Variants in ELN observed in about 807,000 individuals in gnomAD.
ELN encodes elastin.
Under a neutral mutation model 105.8 loss-of-function variants are expected in ELN, and 65 were observed. That is an observed-to-expected ratio of 0.61 (90% CI 0.50 to 0.75). The LOEUF (loss-of-function observed/expected upper bound fraction) is 0.75, where lower values mean the gene tolerates loss of function less well. ELN is among the 30% of genes least tolerant of loss of function. The pLI, the probability that ELN is intolerant of heterozygous loss-of-function variation, is 0.00. For missense variants in ELN, 882 were observed against 969.4 expected (o/e 0.91, Z 1.20); for synonymous variants, 368 against 389.2 (o/e 0.95, Z 0.64).
chr7:74,039,395 G>A (rs964698308), intron 4 of ELN, among the ~76,000 whole-genome samples: 10 of 152,174 alleles, frequency 6.6e-5, no homozygotes, highest in Non-Finnish European at 1.2e-4. Context: ...CAGAAGGGTC[G>A]GCAGAGCCCC....
rs782126415 is a variant in ELN, at chr7:74,054,771, T to C, written c.1150+2T>C. ...CAGCTGCAAAGGCAGCCAAATACGG[T>C]GAGTGCTATGCTGACAGCTCTGCCC... On this transcript the variant is annotated splice_donor_variant, in intron 19 of 32. Transcript: ENST00000252034. LOFTEE classifies it high-confidence loss of function. 1.9e-6 allele frequency: 3 copies of C among 1,613,868 alleles called. No individual in the cohort carries two copies. Among genetic ancestry groups the C allele is most frequent in the Non-Finnish European group, 2.5e-6 (3 of 1,180,014 alleles).
chr7:74,028,868 G>A (rs1788033130), intron 1 of ELN, among the ~76,000 whole-genome samples: 1 of 152,124 alleles, frequency 6.6e-6, no homozygotes, highest in African/African-American at 2.4e-5. Flanking sequence ...GCATTTGTGT[G>A]TGTGTGTGTG....
chr7:74,028,390 AG>A, intron 1 of ELN, 121 bp downstream of exon 1: 3 of 1,176,694 alleles, frequency 2.5e-6, no homozygotes, highest in Non-Finnish European at 3.6e-6. Context: ...CCCAGGTGGG[AG>A]CCCCTCAGCC....
intron 17 of ELN, chr7:74,052,443 G>GTATTTTAAAAA (rs1554676704): frequency 1.8e-5 from 4 of 220,802 alleles, no homozygotes; most frequent in African/African-American, 9.1e-5. Flanking sequence ...AAATTATCTA[G>GTATTTTAAAAA]GCATGGTGGC....
intron 15 of ELN, 21 bp downstream of exon 15, chr7:74,048,577 C>T (rs1793120079): frequency 1.2e-6 from 2 of 1,613,356 alleles, no homozygotes; most frequent in Admixed American, 1.7e-5. Context: ...CTGGAGTCCC[C>T]ACCTGGTGGC....
At chr7:74,065,853 TG>T in intron 30 of ELN, 90 bp from the exon 31 acceptor site, 1 of 1,612,148 alleles carries the variant, frequency 6.2e-7, no homozygotes, top group Admixed American at 1.7e-5. Context: ...AGATCTTGTC[TG>T]GGACATTCCT....
Position 74,028,255 on chromosome 7 carries a change from C to A in ELN, c.68C>A (p.Pro23His), listed in dbSNP as rs781894708. 1.9e-6 allele frequency: 3 copies of A among 1,609,210 alleles called. No homozygotes were observed. Among genetic ancestry groups the A allele is most frequent in the South Asian group, 1.1e-5 (1 of 90,688 alleles). Residue 23 changes from proline (P) to histidine (H), a missense_variant, in exon 1 of 33, where the codon CCC (proline) becomes CAC (histidine). Physicochemically the swap from Pro to His is moderately conservative, Grantham distance 77 (BLOSUM62 -2). Coordinates refer to ENST00000252034, the MANE Select transcript of ELN (RefSeq NM_000501.4). ...CTGCTCCTGCTGTCCATCCTCCACC[C>A]CTCTCGGCCTGGAGGTAAGGACCCC... Reference protein sequence around the residue: ...VLLLLLSILHPSRPGGVPGAI... With the variant: ...VLLLLLSILHHSRPGGVPGAI...
chr7:74,066,472 C>CGG (rs1664846314), intron 31 of ELN, among the ~76,000 whole-genome samples: 2 of 152,006 alleles, frequency 1.3e-5, no homozygotes, highest in African/African-American at 4.8e-5. Context: ...GAGGCTGAGG[C>CGG]GGGAGAATCA....
intron 21 of ELN, 160 bp from the exon 22 acceptor site, chr7:74,057,480 C>T (rs1795530722): frequency 1.3e-6 from 2 of 1,570,098 alleles, no homozygotes; most frequent in Non-Finnish European, 1.7e-6. Flanking sequence ...TGAGCTGTGT[C>T]TCCAGCCCAG....
At chr7:74,042,278 A>T (rs1791409549) in intron 5 of ELN, among the ~76,000 whole-genome samples, 1 of 150,852 alleles carries the variant, frequency 6.6e-6, no homozygotes, top group Non-Finnish European at 1.5e-5. Context: ...AAAAAAAAAA[A>T]TTTGCCGGGC....
At chr7:74,047,829 T>C in intron 13 of ELN, 113 bp downstream of exon 13, 1 of 1,478,804 alleles carries the variant, frequency 6.8e-7, no homozygotes, top group South Asian at 1.2e-5. Flanking sequence ...TGGGGCAGGG[T>C]TGGGGTCTTG....
chr7:74,051,716 G>A (rs1411708878), intron 15 of ELN, 34 bp from the exon 16 acceptor site: 2 of 1,612,292 alleles, frequency 1.2e-6, no homozygotes, highest in Non-Finnish European at 1.7e-6. Context: ...GAGGGTCCTT[G>A]GGAAACTACA....
intron 31 of ELN, among the ~76,000 whole-genome samples, chr7:74,066,307 C>T (rs1797947541): frequency 6.6e-6 from 1 of 152,204 alleles, no homozygotes; most frequent in African/African-American, 2.4e-5. Context: ...TGGCTCACGC[C>T]TGTAATCCCA....
At chr7:74,056,801 C>G in intron 21 of ELN, 88 bp downstream of exon 21, 8 of 1,579,302 alleles carry the variant, frequency 5.1e-6, no homozygotes, top group Non-Finnish European at 8.7e-7. Flanking sequence ...TCCCAGGCCT[C>G]CAGGACTGAA....
rs1287098263 is a variant in ELN at position 74,051,801 on chromosome 7, G to A, written c.851G>A (p.Gly284Asp). Residue 284 changes from glycine to aspartate, a missense_variant, in exon 16 of 33, where the codon GGC becomes GAC. By Grantham distance (94) the Gly-to-Asp change is moderately conservative (BLOSUM62 -1). Transcript: ENST00000252034. ...LPGVGGAGVP[G>D]VPGAIPGIGG... ...GGTGTTGGAGGGGCTGGTGTTCCTG[G>A]CGTGCCTGGGGCAATTCCTGGAATT... 2 of 1,614,074 alleles carry A rather than the reference G, an allele frequency of 1.2e-6. No individual in the cohort carries two copies. The highest frequency in any genetic ancestry group is 1.7e-6 in the Non-Finnish European group (2 of 1,180,044).
intron 3 of ELN, 135 bp downstream of exon 3, chr7:74,036,719 G>A (rs1790038180): frequency 2.5e-5 from 31 of 1,262,520 alleles, no homozygotes; most frequent in East Asian, 1.2e-4. Flanking sequence ...GCATCCAGGC[G>A]GTGGGAGGAG....
intron 15 of ELN, among the ~76,000 whole-genome samples, chr7:74,049,642 C>T (rs974112980): frequency 8.0e-5 from 12 of 150,322 alleles, no homozygotes; most frequent in Non-Finnish European, 1.5e-4. Flanking sequence ...CCATCTATTC[C>T]TCCATGCATC....
intron 19 of ELN, 113 bp downstream of exon 19, chr7:74,054,882 G>A (rs1554678640): frequency 1.4e-5 from 17 of 1,182,718 alleles, no homozygotes; most frequent in Middle Eastern, 2.7e-4. Flanking sequence ...CAAGGTCACC[G>A]AGCAAGTCAC....
At chr7:74,055,226 G>A (rs970130012) in intron 19 of ELN, among the ~76,000 whole-genome samples, 1 of 152,174 alleles carries the variant, frequency 6.6e-6, no homozygotes, top group African/African-American at 2.4e-5. Context: ...GATTGCTTGA[G>A]GCCAGGAATT....
Sources: allele counts gnomAD v4.1 joint callset (sites outside exome capture counted in the v4.1 genomes callset), GRCh38; gene constraint gnomAD v4.1.1; transcripts MANE v1.5; gene names NCBI Gene and HGNC (gene_info 2026-07-23, HGNC 2026-07-21).